The following CYP2C19 variants were observed in gnomAD, a reference collection of about 807,000 sequenced individuals.
CYP2C19 encodes cytochrome P450 2C19.
CYP2C19 carries 59 observed loss-of-function variants against 40.9 expected under a neutral mutation model. The observed-to-expected ratio is 1.44, with a 90% CI of 1.17 to 1.79. The LOEUF is 1.79. Ranked by LOEUF, CYP2C19 falls within the 40% of genes most tolerant of loss-of-function variation. CYP2C19 has a pLI of 0.00. For missense variants in CYP2C19, 754 were observed against 596.9 expected, an observed-to-expected ratio of 1.26 and a Z score of -2.74; for synonymous variants, 253 against 208.7, an observed-to-expected ratio of 1.21 and a Z score of -1.83.
At chr10:94,788,625 T>A (rs1391553054) in intron 5 of CYP2C19, among the ~76,000 whole-genome samples, 1 of 152,146 alleles carries the variant, frequency 6.6e-6, no homozygotes, top group Non-Finnish European at 1.5e-5. Flanking sequence ...TGTGTTAGTT[T>A]GCTGAGAATG....
intron 5 of CYP2C19, among the ~76,000 whole-genome samples, chr10:94,815,814 T>A (rs1025462894): frequency 6.6e-6 from 1 of 152,236 alleles, no homozygotes; most frequent in African/African-American, 2.4e-5. Context: ...TGTTGCTTTT[T>A]TCATATCTGT....
Position 94,781,852 on chromosome 10 carries a change from AT to A in CYP2C19, c.677del (p.Phe226SerfsTer23). The stretch of plus-strand genomic sequence containing the variant: ...AATAATTTTCCCACTATCATTGATT[AT>A]TTCCCGGGAACCCATAACAAATTAC... ...ICNNFPTIID[Y>X]FPGTHNKLLK... On this transcript the variant is annotated frameshift_variant, in exon 5 of 9. Transcript: ENST00000371321. LOFTEE classifies it high-confidence loss of function. 1 of 1,469,574 alleles carries A rather than the reference AT, an allele frequency of 6.8e-7. No individual in the cohort carries two copies. The highest frequency in any genetic ancestry group is 9.0e-7 in the Non-Finnish European group (1 of 1,115,194). The allele number at this position is 1,469,574 out of a possible 1,614,324, so 91.0% of individuals were successfully genotyped here. A position where few individuals can be genotyped will look rare whatever the true frequency, so the allele number is the denominator to read the frequency against.
rs373496594 is a variant in CYP2C19 at position 94,852,713 on chromosome 10, C to T, written c.1292-20C>T. ...AGTTACACATGAGGAGTAACTTCTC[C>T]CTATGTTTGTTATTTTCAGGAAAAC... On this transcript the variant is annotated intron_variant, in intron 8 of 8. Transcript: ENST00000371321. The T allele has an allele frequency of 1.9e-5, 31 of 1,612,896 alleles. 1 individual carries two copies. In the Middle Eastern group the frequency reaches 7.1e-4, roughly 37 times the overall value.
intron 5 of CYP2C19, among the ~76,000 whole-genome samples, chr10:94,818,322 G>C (rs918967005): frequency 6.6e-6 from 1 of 150,760 alleles, no homozygotes; most frequent in African/African-American, 2.4e-5. Flanking sequence ...GTCAGGTAGT[G>C]TGATGCCTCC....
intron 7 of CYP2C19, among the ~76,000 whole-genome samples, chr10:94,845,825 A>C (rs1006023820): frequency 6.6e-6 from 1 of 152,088 alleles, no homozygotes; most frequent in Non-Finnish European, 1.5e-5. Context: ...ATGAAAACTT[A>C]GTGGGTAGAA....
At chr10:94,784,809 C>A (rs541013764) in intron 5 of CYP2C19, among the ~76,000 whole-genome samples, 1 of 151,868 alleles carries the variant, frequency 6.6e-6, no homozygotes, top group Admixed American at 6.6e-5. Flanking sequence ...AGGCTGGTCT[C>A]GAACTCTTGA....
chr10:94,771,611 T>C (rs1386600891), intron 1 of CYP2C19, among the ~76,000 whole-genome samples: 1 of 152,062 alleles, frequency 6.6e-6, no homozygotes, highest in East Asian at 1.9e-4. Flanking sequence ...TCCCAATGGC[T>C]TAGGATGCAT....
intron 6 of CYP2C19, among the ~76,000 whole-genome samples, chr10:94,838,293 T>C (rs897219890): frequency 1.3e-5 from 2 of 152,228 alleles, no homozygotes; most frequent in African/African-American, 4.8e-5. Flanking sequence ...GATGTCATCC[T>C]ATCATTGACC....
At position 94,817,423 on chromosome 10, in the gene CYP2C19, GTTGT is replaced by G. The variant is rs1296784002; in HGVS notation, c.820-3066_820-3063del. ...TGTCCTTTGCCCACTTTTTGATGGG[GTTGT>G]TTGTTTTTTTCTTGTAAATTTGTTT... On this transcript the variant is annotated intron_variant, in intron 5 of 8. Transcript: ENST00000371321. Among the ~76,000 whole-genome samples the G allele has an allele frequency of 1.4e-3, 199 of 143,236 alleles. 1 individual carries two copies. Among genetic ancestry groups the G allele is most frequent in the Non-Finnish European group, 2.9e-4 (19 of 65,490 alleles). 94.0% of individuals were successfully genotyped at this position (143,236 alleles called of 152,430 possible). A position where few individuals can be genotyped will look rare whatever the true frequency, so the allele number is the denominator to read the frequency against.
At chr10:94,834,389 T>C (rs924057386) in intron 6 of CYP2C19, among the ~76,000 whole-genome samples, 1 of 152,126 alleles carries the variant, frequency 6.6e-6, no homozygotes, top group Admixed American at 6.5e-5. Flanking sequence ...AACTTCTTTT[T>C]TTTCTTAGTC....
intron 5 of CYP2C19, among the ~76,000 whole-genome samples, chr10:94,793,062 C>A (rs1208198426): frequency 6.6e-6 from 1 of 152,108 alleles, no homozygotes; most frequent in African/African-American, 2.4e-5. Flanking sequence ...TCTTTTTACT[C>A]TTTTTTCTCT....
intron 5 of CYP2C19, among the ~76,000 whole-genome samples, chr10:94,799,797 G>A (rs887290918): frequency 6.6e-6 from 1 of 151,804 alleles, no homozygotes; most frequent in Non-Finnish European, 1.5e-5. Context: ...TGGTTTTATT[G>A]ACTATTGAAG....
At chr10:94,796,852 A>T (rs1325328371) in intron 5 of CYP2C19, among the ~76,000 whole-genome samples, 1 of 152,086 alleles carries the variant, frequency 6.6e-6, no homozygotes, top group Non-Finnish European at 1.5e-5. Context: ...GTATCCTGAG[A>T]CTTTACTGAA....
At chr10:94,843,698 T>C (rs1849528653) in intron 7 of CYP2C19, among the ~76,000 whole-genome samples, 1 of 152,210 alleles carries the variant, frequency 6.6e-6, no homozygotes, top group Non-Finnish European at 1.5e-5. Context: ...GTACACTGTA[T>C]CTGTGTTAAT....
Position 94,842,985 on chromosome 10 carries a change from G to A in CYP2C19, c.1110G>A (p.Val370=). 1 of 1,614,198 alleles carries A rather than the reference G, an allele frequency of 6.2e-7. No homozygotes were observed. The highest frequency in any genetic ancestry group is 1.3e-5 in the African/African-American group (1 of 75,046). The change falls in exon 7 of 9, where the codon GTG becomes GTA. Residue 370 remains valine, a synonymous_variant. Transcript: ENST00000371321. ...DLIPTSLPHA[V]TCDVKFRNYL... ...TCCCCACCAGCCTGCCCCATGCAGT[G>A]ACCTGTGACGTTAAATTCAGAAACT...
At chr10:94,834,764 C>G (rs1489728676) in intron 6 of CYP2C19, among the ~76,000 whole-genome samples, 1 of 152,140 alleles carries the variant, frequency 6.6e-6, no homozygotes, top group Non-Finnish European at 1.5e-5. Flanking sequence ...AGTGAGCTCT[C>G]CTTACTATCT....
intron 5 of CYP2C19, among the ~76,000 whole-genome samples, chr10:94,817,145 A>T (rs1190446581): frequency 6.8e-6 from 1 of 147,256 alleles, no homozygotes; most frequent in East Asian, 2.1e-4. Context: ...ATCCCTGAGG[A>T]ATCGCCACAC....
At chr10:94,762,911 A>T in intron 1 of CYP2C19, 38 bp downstream of exon 1, 1 of 1,567,386 alleles carries the variant, frequency 6.4e-7, no homozygotes, top group Non-Finnish European at 8.8e-7. Context: ...AAAGGTAAGT[A>T]AATTCACCTG....
intron 5 of CYP2C19, among the ~76,000 whole-genome samples, chr10:94,796,127 T>G (rs1350575764): frequency 1.3e-5 from 2 of 152,192 alleles, no homozygotes; most frequent in African/African-American, 2.4e-5. Context: ...TTTTTATGGT[T>G]TTAGGTCTAA....
Sources: gnomAD v4.1 joint callset for allele counts (sites outside exome capture counted in the v4.1 genomes callset) on GRCh38, gnomAD v4.1.1 for gene constraint, MANE v1.5 for transcripts, NCBI Gene and HGNC (gene_info 2026-07-23, HGNC 2026-07-21) for gene names.